The following PKNOX2 variants were observed in gnomAD, a reference collection of about 807,000 sequenced individuals.
The protein encoded by PKNOX2 is PBX/knotted 1 homeobox 2, also known as homeobox protein PKNOX2.
In PKNOX2, 14 loss-of-function variants were observed where a neutral mutation model predicts 53.1. That is an observed-to-expected ratio of 0.26 (90% CI 0.17 to 0.41). PKNOX2 has a LOEUF of 0.41. PKNOX2 is among the 10% of genes least tolerant of loss of function. The pLI is 1.00. For synonymous variants in PKNOX2, 257 were observed against 242.8 expected (o/e 1.06, Z -0.54); for missense variants, 496 against 602.8 (o/e 0.82, Z 1.85).
chr11:125,195,077 G>C (rs539620542), intron 1 of PKNOX2, among the ~76,000 whole-genome samples: 3 of 152,278 alleles, frequency 2.0e-5, no homozygotes, highest in African/African-American at 7.2e-5. Context: ...TGGGAAGATG[G>C]GACTAGCACC....
chr11:125,366,696 G>A (rs1952208111), intron 4 of PKNOX2, among the ~76,000 whole-genome samples: 1 of 152,192 alleles, frequency 6.6e-6, no homozygotes, highest in South Asian at 2.1e-4. Context: ...AAATGTCTTG[G>A]GGATATATGT....
intron 4 of PKNOX2, among the ~76,000 whole-genome samples, chr11:125,361,647 G>T (rs1208802461): frequency 6.6e-6 from 1 of 151,996 alleles, no homozygotes; most frequent in Non-Finnish European, 1.5e-5. Flanking sequence ...GTGCCATGTT[G>T]GTGTGCTGCA....
intron 2 of PKNOX2, among the ~76,000 whole-genome samples, chr11:125,320,183 C>A (rs1949439876): frequency 6.6e-6 from 1 of 152,162 alleles, no homozygotes. Context: ...AAAGGAGAGG[C>A]ATATTTAAAT....
rs1224137499 is a variant in PKNOX2 at position 125,405,505 on chromosome 11, C to CA, written c.589-4690dup. ...CATTCATGTGGGCCCCTGCACCCCC[C>CA]ACTTCCAAAAGTCATTCCACAGCTT... On this transcript the variant is annotated intron_variant, in intron 7 of 12. Transcript: ENST00000298282. Among the ~76,000 whole-genome samples, 5 of 152,172 alleles carry CA rather than the reference C, an allele frequency of 3.3e-5. 1 individual carries two copies. In the East Asian group the frequency reaches 9.6e-4, roughly 29 times the overall value.
At chr11:125,322,435 T>C (rs1382890443) in intron 2 of PKNOX2, among the ~76,000 whole-genome samples, 1 of 152,196 alleles carries the variant, frequency 6.6e-6, no homozygotes, top group Non-Finnish European at 1.5e-5. Flanking sequence ...ATGACAGTGC[T>C]GAGGGACCTT....
Position 125,370,235 on chromosome 11 carries a change from G to A in PKNOX2, c.227+2250G>A, listed in dbSNP as rs140007748. Among the ~76,000 whole-genome samples, 7 of 152,106 alleles carry A rather than the reference G, an allele frequency of 4.6e-5. No homozygotes were observed. The highest frequency in any genetic ancestry group is 1.2e-4 in the African/African-American group (5 of 41,402). Reference sequence around the variant, plus strand: ...TTGATAAGAATCAATGAGACGGCCCGTGGAGGCACCTGGCCCTGCGTCCAG... The same window carrying A: ...TTGATAAGAATCAATGAGACGGCCCATGGAGGCACCTGGCCCTGCGTCCAG... On this transcript the variant is annotated intron_variant, in intron 5 of 12. Coordinates refer to ENST00000298282, the MANE Select transcript of PKNOX2 (RefSeq NM_001382323.2). The surrounding 1 kb of genome is among the most constrained non-coding windows in gnomAD (Gnocchi z 4.1).
intron 4 of PKNOX2, among the ~76,000 whole-genome samples, chr11:125,365,771 C>A (rs183022893): frequency 7.9e-5 from 12 of 152,292 alleles, no homozygotes; most frequent in Admixed American, 7.8e-4. Context: ...TGCATCTCTC[C>A]ACATTTTCTG....
chr11:125,429,893 A>T, intron 11 of PKNOX2, 70 bp from the exon 12 acceptor site: 1 of 1,485,392 alleles, frequency 6.7e-7, no homozygotes, highest in Non-Finnish European at 9.1e-7. Flanking sequence ...AGGCAGCTTC[A>T]CCCTCCCTGC....
intron 1 of PKNOX2, among the ~76,000 whole-genome samples, chr11:125,186,928 A>G (rs1956481345): frequency 6.6e-6 from 1 of 152,184 alleles, no homozygotes; most frequent in Non-Finnish European, 1.5e-5. Context: ...TCTTTTGCGT[A>G]TGGAAATCAG....
chr11:125,396,190 G>A (rs755813340), intron 6 of PKNOX2, among the ~76,000 whole-genome samples: 7 of 152,130 alleles, frequency 4.6e-5, no homozygotes, highest in Non-Finnish European at 1.0e-4. Context: ...CTGACCTCAA[G>A]TGATCCTCCT....
intron 5 of PKNOX2, among the ~76,000 whole-genome samples, chr11:125,376,266 C>T (rs1186695279): frequency 6.6e-6 from 1 of 152,214 alleles, no homozygotes; most frequent in African/African-American, 2.4e-5. Flanking sequence ...GAAGTCCTCT[C>T]CAAGGCAACC....
chr11:125,411,729 C>G lies in PKNOX2; in HGVS notation c.817-17C>G. The G allele has an allele frequency of 1.9e-6, 3 of 1,613,958 alleles. No individual in the cohort carries two copies. Among genetic ancestry groups the G allele is most frequent in the Middle Eastern group, 3.3e-4 (2 of 6,060 alleles). Reference sequence around the variant, plus strand: ...CACAGGCTGCTGATGCTGATTTTCTCTCCACGTGCCCTGAAGGTTAACCTT... The same window carrying G: ...CACAGGCTGCTGATGCTGATTTTCTGTCCACGTGCCCTGAAGGTTAACCTT... On this transcript the variant is annotated splice_polypyrimidine_tract_variant and intron_variant, in intron 9 of 12. Coordinates refer to ENST00000298282, the MANE Select transcript of PKNOX2 (RefSeq NM_001382323.2).
chr11:125,397,507 G>C (rs372828095), intron 6 of PKNOX2, among the ~76,000 whole-genome samples: 12 of 152,330 alleles, frequency 7.9e-5, no homozygotes, highest in East Asian at 7.7e-4. Flanking sequence ...CTAAGGCACA[G>C]AGAGCTTGAG....
chr11:125,429,072 C>T lies in PKNOX2; in HGVS notation c.997C>T (p.Leu333=). The change falls in exon 11 of 13, where the codon CTG becomes TTG. Residue 333 remains leucine, a synonymous_variant. Transcript: ENST00000298282. Reference sequence around the variant, plus strand: ...CGCAGCCCAGACCAACCTCACCCTCCTGCAAGTAAACAACTGGTGAGTTTG... The same window carrying T: ...CGCAGCCCAGACCAACCTCACCCTCTTGCAAGTAAACAACTGGTGAGTTTG... The part of the protein sequence containing the change: ...QIAAQTNLTL[L]QVNNWFINAR... 1 of 1,613,040 alleles carries T rather than the reference C, an allele frequency of 6.2e-7. No individual in the cohort carries two copies. The highest frequency in any genetic ancestry group is 8.5e-7 in the Non-Finnish European group (1 of 1,178,996).
chr11:125,419,375 G>T (rs923911496), intron 10 of PKNOX2, among the ~76,000 whole-genome samples: 4 of 150,674 alleles, frequency 2.7e-5, no homozygotes, highest in Middle Eastern at 3.4e-3. Flanking sequence ...AATTGGCCTT[G>T]CCTTGGAAAA....
intron 4 of PKNOX2, among the ~76,000 whole-genome samples, chr11:125,361,012 C>T (rs1447181070): frequency 6.6e-6 from 1 of 152,212 alleles, no homozygotes; most frequent in Non-Finnish European, 1.5e-5. Context: ...CCCAAATCCC[C>T]CCAGTCAGTT....
In PKNOX2 at chr11:125,320,801, G is replaced by T. The variant is rs138001529; in HGVS notation, c.-129-11018G>T. 1.0e-3 allele frequency among the ~76,000 whole-genome samples: 156 copies of T among 152,294 alleles called. 1 individual carries two copies. Among genetic ancestry groups the T allele is most frequent in the Admixed American group, 3.5e-3 (54 of 15,292 alleles). On this transcript the variant is annotated intron_variant, in intron 2 of 12. Coordinates refer to ENST00000298282, the MANE Select transcript of PKNOX2 (RefSeq NM_001382323.2). Reference sequence around the variant, plus strand: ...CCCTTAAGCGTGCTGCCTCCTGGAGGGAGGTGGATATGTAAACAGTTAACC... The same window carrying T: ...CCCTTAAGCGTGCTGCCTCCTGGAGTGAGGTGGATATGTAAACAGTTAACC...
At chr11:125,336,601 T>C (rs938908977) in intron 3 of PKNOX2, among the ~76,000 whole-genome samples, 2 of 148,236 alleles carry the variant, frequency 1.3e-5, no homozygotes, top group African/African-American at 4.9e-5. Context: ...ACACATACCA[T>C]ATAGCATTAT....
At chr11:125,213,351 C>A (rs1311258615) in intron 1 of PKNOX2, among the ~76,000 whole-genome samples, 1 of 152,116 alleles carries the variant, frequency 6.6e-6, no homozygotes, top group Non-Finnish European at 1.5e-5. Context: ...TCAGTTCCCT[C>A]ATCTGTTAAA....
Sources: gnomAD v4.1 joint callset for allele counts (sites outside exome capture counted in the v4.1 genomes callset) on GRCh38, gnomAD v4.1.1 for gene constraint, Gnocchi (gnomAD v3.1) non-coding constraint, MANE v1.5 for transcripts, NCBI Gene and HGNC (gene_info 2026-07-23, HGNC 2026-07-21) for gene names.